ANKS1B: variants seen among roughly 807,000 people sequenced by gnomAD.
ANKS1B encodes ankyrin repeat and sterile alpha motif domain-containing protein 1B.
ANKS1B carries 36 observed loss-of-function variants against 148.3 expected under a neutral mutation model. The ratio of observed to expected loss-of-function variants is 0.24; its 90% CI spans 0.19 to 0.32. The LOEUF is 0.32. Among genes scored for constraint, ANKS1B ranks in the 10% least tolerant of loss-of-function variants. ANKS1B has a pLI of 1.00. For missense variants in ANKS1B, 1,157 were observed against 1,542.6 expected (o/e 0.75, Z 4.19); for synonymous variants, 542 against 560.8 (o/e 0.97, Z 0.47).
chr12:99,001,789 C>A (rs140197168), intron 17 of ANKS1B, among the ~76,000 whole-genome samples: 3,494 of 152,284 alleles, frequency 0.023, 124 homozygotes, highest in South Asian at 0.17. Context: ...AGTTTACATC[C>A]TTTGCTCAAC....
At chr12:98,820,191 TTCA>T (rs1204900584) in intron 19 of ANKS1B, among the ~76,000 whole-genome samples, 1 of 152,244 alleles carries the variant, frequency 6.6e-6, no homozygotes, top group Non-Finnish European at 1.5e-5. Flanking sequence ...ATATGGGGTG[TTCA>T]TCAACACTGT....
At chr12:98,845,205 CCTTAA>C (rs1270258194) in intron 17 of ANKS1B, among the ~76,000 whole-genome samples, 1 of 152,112 alleles carries the variant, frequency 6.6e-6, no homozygotes, top group African/African-American at 2.4e-5. Flanking sequence ...CTGGTAATTA[CCTTAA>C]CTTTAGAAAT....
chr12:99,968,837 G>T (rs895950581), intron 1 of ANKS1B, among the ~76,000 whole-genome samples: 1 of 152,024 alleles, frequency 6.6e-6, no homozygotes, highest in African/African-American at 2.4e-5. Context: ...TTGTTTAAAA[G>T]TGTGTGGCAC....
At chr12:99,051,045 G>A (rs574938080) in intron 17 of ANKS1B, among the ~76,000 whole-genome samples, 1 of 152,182 alleles carries the variant, frequency 6.6e-6, no homozygotes, top group South Asian at 2.1e-4. Flanking sequence ...GGCCTCATGG[G>A]TGGTGGTGGA....
At chr12:98,750,144 G>A (rs933821559) in intron 26 of ANKS1B, among the ~76,000 whole-genome samples, 9 of 152,152 alleles carry the variant, frequency 5.9e-5, no homozygotes, top group African/African-American at 9.7e-5. Context: ...ATTGGGGGGT[G>A]CCCAGGGCTG....
Position 99,979,042 on chromosome 12 carries a change from G to A in ANKS1B, c.134+5062C>T, listed in dbSNP as rs148595880. Among the ~76,000 whole-genome samples the A allele has an allele frequency of 6.9e-3, 1,045 of 151,944 alleles. 15 individuals are homozygous for A. Among genetic ancestry groups the A allele is most frequent in the African/African-American group, 0.024 (989 of 41,464 alleles). On this transcript the variant is annotated intron_variant, in intron 1 of 26. Coordinates refer to ENST00000683438, the MANE Select transcript of ANKS1B (RefSeq NM_001352186.2). ...TTTAAATGGAAATTAGTTTTGTTTA[G>A]AATAAAAGGTAGTTGTGCCAAAGGA...
chr12:99,644,000 T>C (rs1344125718), intron 9 of ANKS1B, among the ~76,000 whole-genome samples: 3 of 152,200 alleles, frequency 2.0e-5, no homozygotes, highest in East Asian at 1.9e-4. Context: ...GTTCCAACCA[T>C]CAAGTCCTGG....
At chr12:99,197,411 C>T (rs1009251096) in intron 14 of ANKS1B, among the ~76,000 whole-genome samples, 1 of 152,124 alleles carries the variant, frequency 6.6e-6, no homozygotes, top group African/African-American at 2.4e-5. Flanking sequence ...TGGATCTTTT[C>T]TGAATAGGCA....
intron 17 of ANKS1B, among the ~76,000 whole-genome samples, chr12:98,920,366 T>G (rs995370261): frequency 5.3e-5 from 8 of 152,190 alleles, no homozygotes; most frequent in Non-Finnish European, 1.0e-4. Context: ...TCCGTTTTCA[T>G]GCTGCTGATA....
intron 1 of ANKS1B, among the ~76,000 whole-genome samples, chr12:99,836,317 C>T (rs2084851928): frequency 6.6e-6 from 1 of 151,926 alleles, no homozygotes; most frequent in African/African-American, 2.4e-5. Flanking sequence ...TTAAAGATAT[C>T]TTGCCTTTGG....
At chr12:99,515,257 C>T (rs897389342) in intron 9 of ANKS1B, among the ~76,000 whole-genome samples, 3 of 151,970 alleles carry the variant, frequency 2.0e-5, no homozygotes, top group Non-Finnish European at 2.9e-5. Context: ...ATCAAATACT[C>T]CATTTTATTT....
chr12:99,349,540 T>C (rs2091155038), intron 12 of ANKS1B, among the ~76,000 whole-genome samples: 1 of 152,004 alleles, frequency 6.6e-6, no homozygotes, highest in Non-Finnish European at 1.5e-5. Context: ...CACACTAATA[T>C]CATACAAAAT....
intron 1 of ANKS1B, among the ~76,000 whole-genome samples, chr12:99,924,743 C>T (rs1233189466): frequency 6.6e-6 from 1 of 152,074 alleles, no homozygotes; most frequent in African/African-American, 2.4e-5. Flanking sequence ...AGAGAGAGGG[C>T]CCTACCAGAC....
chr12:99,017,462 A>C (rs2099943216), intron 17 of ANKS1B, among the ~76,000 whole-genome samples: 1 of 152,090 alleles, frequency 6.6e-6, no homozygotes, highest in East Asian at 1.9e-4. Context: ...TATAGTTAAC[A>C]TTGCTATGTT....
intron 12 of ANKS1B, among the ~76,000 whole-genome samples, chr12:99,266,779 G>A (rs1384695919): frequency 6.6e-6 from 1 of 152,088 alleles, no homozygotes; most frequent in Non-Finnish European, 1.5e-5. Flanking sequence ...ACTCTGAATG[G>A]AATCCCTAAA....
At chr12:98,817,186 G>T (rs931071389) in intron 19 of ANKS1B, among the ~76,000 whole-genome samples, 1 of 152,114 alleles carries the variant, frequency 6.6e-6, no homozygotes, top group Non-Finnish European at 1.5e-5. Flanking sequence ...AAAAGAAAAT[G>T]AAAACAGACT....
chr12:99,634,713 T>C (rs796387952), intron 9 of ANKS1B, among the ~76,000 whole-genome samples: 8 of 152,262 alleles, frequency 5.3e-5, no homozygotes, highest in African/African-American at 1.9e-4. Flanking sequence ...GATTTGGCAA[T>C]GATTGCTGGG....
chr12:99,213,473 T>C (rs2083659547), intron 14 of ANKS1B, among the ~76,000 whole-genome samples: 1 of 152,190 alleles, frequency 6.6e-6, no homozygotes, highest in Admixed American at 6.5e-5. Context: ...ACTGTCAGAC[T>C]TGCTAATTGA....
intron 9 of ANKS1B, among the ~76,000 whole-genome samples, chr12:99,616,056 T>TA (rs2097955992): frequency 6.6e-6 from 1 of 151,978 alleles, no homozygotes; most frequent in Non-Finnish European, 1.5e-5. Context: ...ACAAAGAGAA[T>TA]AAAATGTCTA....
Sources: gnomAD v4.1 joint callset for allele counts (sites outside exome capture counted in the v4.1 genomes callset) on GRCh38, gnomAD v4.1.1 for gene constraint, MANE v1.5 for transcripts, NCBI Gene and HGNC (gene_info 2026-07-23, HGNC 2026-07-21) for gene names.